Variants in B3GALT1 observed in about 807,000 individuals in gnomAD.
B3GALT1 encodes the protein beta-1,3-galactosyltransferase 1.
B3GALT1 carries 10 observed loss-of-function variants against 23.2 expected under a neutral mutation model. That is an observed-to-expected ratio of 0.43 (90% CI 0.27 to 0.73). B3GALT1 has a LOEUF of 0.73. B3GALT1 is among the 30% of genes least tolerant of loss of function. The pLI is 0.21. For synonymous variants in B3GALT1, 156 were observed against 141.5 expected (o/e 1.10, Z -0.73); for missense variants, 299 against 405.4 (o/e 0.74, Z 2.25).
At chr2:167,709,195 T>C (rs1441759242) in intron 3 of B3GALT1, among the ~76,000 whole-genome samples, 5 of 152,208 alleles carry the variant, frequency 3.3e-5, no homozygotes, top group African/African-American at 1.2e-4. Context: ...GTTTTTGCCA[T>C]GGGCTGGCCT....
At chr2:167,627,033 G>A (rs1288441551) in intron 2 of B3GALT1, among the ~76,000 whole-genome samples, 3 of 151,586 alleles carry the variant, frequency 2.0e-5, no homozygotes, top group Non-Finnish European at 4.4e-5. Flanking sequence ...GGAAGGCAAG[G>A]GCTAAGTGTA....
chr2:167,822,836 A>C (rs964808226), intron 4 of B3GALT1, among the ~76,000 whole-genome samples: 4 of 152,168 alleles, frequency 2.6e-5, no homozygotes, highest in Non-Finnish European at 5.9e-5. Flanking sequence ...CTTTTTACTA[A>C]TCTTACAGCA....
intron 1 of B3GALT1, among the ~76,000 whole-genome samples, chr2:167,433,299 A>G (rs920097749): frequency 6.6e-6 from 1 of 152,060 alleles, no homozygotes; most frequent in Non-Finnish European, 1.5e-5. Flanking sequence ...TGATAATTCC[A>G]TTGTCTGGAT....
intron 2 of B3GALT1, among the ~76,000 whole-genome samples, chr2:167,502,541 C>A (rs181971899): frequency 2.0e-5 from 3 of 148,336 alleles, no homozygotes; most frequent in African/African-American, 7.5e-5. Flanking sequence ...AGAAAACTTA[C>A]AATCATGGAG....
chr2:167,681,492 A>G (rs114678641), intron 3 of B3GALT1, among the ~76,000 whole-genome samples: 1,812 of 152,298 alleles, frequency 0.012, 20 homozygotes, highest in Admixed American at 0.014. Flanking sequence ...AGTCCCTGCT[A>G]TGATATACAG....
intron 1 of B3GALT1, among the ~76,000 whole-genome samples, chr2:167,454,389 C>G (rs767332407): frequency 1.3e-5 from 2 of 152,208 alleles, no homozygotes; most frequent in Admixed American, 6.5e-5. Context: ...TTCTCATTTT[C>G]CTTTCGCTCC....
intron 2 of B3GALT1, among the ~76,000 whole-genome samples, chr2:167,509,161 C>G (rs1699966726): frequency 6.6e-6 from 1 of 152,096 alleles, no homozygotes; most frequent in African/African-American, 2.4e-5. Context: ...AGAGTTCTTA[C>G]TAAGCAATAG....
chr2:167,826,170 C>T (rs1689219863), intron 4 of B3GALT1, among the ~76,000 whole-genome samples: 2 of 152,114 alleles, frequency 1.3e-5, no homozygotes, highest in African/African-American at 4.8e-5. Context: ...TGGGGTGAGC[C>T]TAGGTCACAC....
At position 167,698,723 on chromosome 2, in the gene B3GALT1, T is replaced by C. The variant is rs58100371; in HGVS notation, c.-352+51757T>C. ...GCTATTCCAAAAAATCTTGTTGAAATAGAAATGTTAGAGGATGATTATGCA... is the reference window on the plus strand; with the variant it reads ...GCTATTCCAAAAAATCTTGTTGAAACAGAAATGTTAGAGGATGATTATGCA... On this transcript the variant is annotated intron_variant, in intron 3 of 4. Transcript: ENST00000392690. Among the ~76,000 whole-genome samples, 1,498 of 152,276 alleles carry C rather than the reference T, an allele frequency of 9.8e-3. 19 individuals carry two copies. Among genetic ancestry groups the C allele is most frequent in the African/African-American group, 0.033 (1,382 of 41,548 alleles).
intron 1 of B3GALT1, among the ~76,000 whole-genome samples, chr2:167,358,880 G>A (rs1697458238): frequency 6.6e-6 from 1 of 152,130 alleles, no homozygotes; most frequent in Admixed American, 6.5e-5. Context: ...TTGGCTCACT[G>A]CAACCTCTGC....
At chr2:167,851,981 A>G (rs539874344) in intron 4 of B3GALT1, among the ~76,000 whole-genome samples, 5 of 152,356 alleles carry the variant, frequency 3.3e-5, no homozygotes, top group African/African-American at 1.2e-4. Flanking sequence ...ATCTGGCAGT[A>G]AACAGCCTAT....
intron 1 of B3GALT1, among the ~76,000 whole-genome samples, chr2:167,369,025 T>G (rs1428815403): frequency 2.6e-5 from 4 of 151,662 alleles, no homozygotes; most frequent in African/African-American, 9.7e-5. Flanking sequence ...TTAATCCAAA[T>G]AAAATATTTT....
intron 1 of B3GALT1, among the ~76,000 whole-genome samples, chr2:167,348,374 A>G (rs1442275836): frequency 6.6e-6 from 1 of 152,122 alleles, no homozygotes; most frequent in African/African-American, 2.4e-5. Context: ...TTTATTTTTT[A>G]TATTCTTTTT....
At chr2:167,756,479 C>A (rs563527000) in intron 3 of B3GALT1, among the ~76,000 whole-genome samples, 1 of 152,260 alleles carries the variant, frequency 6.6e-6, no homozygotes, top group African/African-American at 2.4e-5. Context: ...TTAACACAGA[C>A]CAGCACTTCT....
intron 4 of B3GALT1, among the ~76,000 whole-genome samples, chr2:167,856,885 C>A (rs1290564194): frequency 6.6e-6 from 1 of 152,022 alleles, no homozygotes; most frequent in Non-Finnish European, 1.5e-5. Context: ...ACAAGCACTT[C>A]TAGAGACAAA....
At chr2:167,624,421 C>A (rs935668252) in intron 2 of B3GALT1, among the ~76,000 whole-genome samples, 9 of 152,192 alleles carry the variant, frequency 5.9e-5, no homozygotes, top group African/African-American at 1.9e-4. Flanking sequence ...CTCATAGGAA[C>A]TTCAGTTAAA....
chr2:167,498,594 T>G (rs553594956), intron 2 of B3GALT1, among the ~76,000 whole-genome samples: 45 of 152,130 alleles, frequency 3.0e-4, no homozygotes, highest in Non-Finnish European at 5.9e-4. Context: ...GATCAGACAT[T>G]TAAAGAATGG....
intron 2 of B3GALT1, among the ~76,000 whole-genome samples, chr2:167,646,321 G>C (rs1411399393): frequency 6.6e-6 from 1 of 152,124 alleles, no homozygotes; most frequent in African/African-American, 2.4e-5. Context: ...GTAGGACCCA[G>C]GGTTTCTGCC....
intron 4 of B3GALT1, among the ~76,000 whole-genome samples, chr2:167,822,985 A>G (rs937746498): frequency 6.6e-6 from 1 of 152,206 alleles, no homozygotes; most frequent in Non-Finnish European, 1.5e-5. Flanking sequence ...GCATGGCCAC[A>G]TAATAAATTT....
Sources: allele counts gnomAD v4.1 joint callset (sites outside exome capture counted in the v4.1 genomes callset), GRCh38; gene constraint gnomAD v4.1.1; transcripts MANE v1.5; gene names NCBI Gene and HGNC (gene_info 2026-07-23, HGNC 2026-07-21).